Variants in ZC3H3 observed in about 807,000 individuals in gnomAD.
The protein encoded by ZC3H3 is zinc finger CCCH domain-containing protein 3.
ZC3H3 carries 36 observed loss-of-function variants against 77.3 expected under a neutral mutation model. The observed-to-expected ratio is 0.47, with a 90% CI of 0.36 to 0.61. The LOEUF (loss-of-function observed/expected upper bound fraction) is 0.61. ZC3H3 is among the 20% of genes least tolerant of loss of function. ZC3H3 has a pLI of 0.00. For missense variants in ZC3H3, 1,331 were observed against 1,312.2 expected (o/e 1.01, Z -0.22); for synonymous variants, 626 against 555.2 (o/e 1.13, Z -1.79).
At chr8:143,528,800 G>C (rs561718883) in intron 3 of ZC3H3, among the ~76,000 whole-genome samples, 4 of 152,302 alleles carry the variant, frequency 2.6e-5, no homozygotes, top group Admixed American at 2.6e-4. Flanking sequence ...CTGAGGGAGC[G>C]AGGCCCTCCC....
rs1433434178 is a variant in ZC3H3, at chr8:143,462,772, T to G, written c.2307+2945A>C. ...TGTGCAGGAGCTCTCAATGCAGAGGTGGGGATGGAGTCACTGTCACCCCTG... is the reference window on the plus strand; with the variant it reads ...TGTGCAGGAGCTCTCAATGCAGAGGGGGGGATGGAGTCACTGTCACCCCTG... On this transcript the variant is annotated intron_variant, in intron 9 of 11. Transcript: ENST00000262577. The surrounding 1 kb of genome is among the most constrained non-coding windows in gnomAD (Gnocchi z 4.7). Among the ~76,000 whole-genome samples the G allele has an allele frequency of 6.6e-6, 1 of 152,082 alleles. No homozygotes were observed. The highest frequency in any genetic ancestry group is 2.4e-5 in the African/African-American group (1 of 41,410).
chr8:143,536,506 C>T, intron 2 of ZC3H3, 53 bp from the exon 3 acceptor site: 1 of 1,438,588 alleles, frequency 7.0e-7, no homozygotes, highest in African/African-American at 1.4e-5. Context: ...GTTCTGCCCA[C>T]CCACCCTTCC....
In ZC3H3 at chr8:143,530,823, T is replaced by C. The variant is rs958360864; in HGVS notation, c.1561+5434A>G. Reference sequence around the variant, plus strand: ...ACCATTTTTCAGACTCCAAAAAGGTTTTCTTCTCTTCTGCCCAAATGCCCC... The same window carrying C: ...ACCATTTTTCAGACTCCAAAAAGGTCTTCTTCTCTTCTGCCCAAATGCCCC... On this transcript the variant is annotated intron_variant, in intron 3 of 11. Transcript: ENST00000262577. This position sits in a 1 kb window ranked among gnomAD's most constrained non-coding sequence, Gnocchi z 4.3. Among the ~76,000 whole-genome samples the C allele has an allele frequency of 6.6e-6, 1 of 152,048 alleles. No homozygotes were observed. The highest frequency in any genetic ancestry group is 6.6e-5 in the Admixed American group (1 of 15,260).
intron 4 of ZC3H3, among the ~76,000 whole-genome samples, chr8:143,506,480 G>A (rs183637490): frequency 2.4e-4 from 37 of 152,166 alleles, no homozygotes; most frequent in Non-Finnish European, 3.7e-4. Flanking sequence ...ATAGAAGAAC[G>A]GAAGAAAATT....
rs375966082 is a variant in ZC3H3 at position 143,506,833 on chromosome 8, C to T, written c.1715+913G>A. 3.3e-5 allele frequency among the ~76,000 whole-genome samples: 5 copies of T among 152,162 alleles called. No individual in the cohort carries two copies. In the East Asian group the frequency reaches 9.6e-4, roughly 29 times the overall value. On this transcript the variant is annotated intron_variant, in intron 4 of 11. Coordinates refer to ENST00000262577, the MANE Select transcript of ZC3H3 (RefSeq NM_015117.3). Reference sequence around the variant, plus strand: ...GGTGGGTGGATCCCCTGGGGTTAGCCTCAGGCCTGGAAACCTCTGGCTAGC... The same window carrying T: ...GGTGGGTGGATCCCCTGGGGTTAGCTTCAGGCCTGGAAACCTCTGGCTAGC...
At chr8:143,479,205 G>A (rs535981439) in intron 4 of ZC3H3, among the ~76,000 whole-genome samples, 18 of 152,304 alleles carry the variant, frequency 1.2e-4, no homozygotes, top group East Asian at 9.6e-4. Flanking sequence ...CCCTGCCCTC[G>A]CCCTGGCTGC....
At chr8:143,461,672 G>A (rs1197651009) in intron 9 of ZC3H3, among the ~76,000 whole-genome samples, 1 of 152,134 alleles carries the variant, frequency 6.6e-6, no homozygotes, top group Non-Finnish European at 1.5e-5. Flanking sequence ...CGGGTGCAGC[G>A]CTGAGGTGCT....
At chr8:143,525,546 CT>C (rs1822385425) in intron 3 of ZC3H3, among the ~76,000 whole-genome samples, 1 of 152,220 alleles carries the variant, frequency 6.6e-6, no homozygotes, top group African/African-American at 2.4e-5. Context: ...AGGAGCGTCC[CT>C]GGGGCCCATC....
At chr8:143,507,056 C>G (rs1173369452) in intron 4 of ZC3H3, among the ~76,000 whole-genome samples, 1 of 152,224 alleles carries the variant, frequency 6.6e-6, no homozygotes, top group Non-Finnish European at 1.5e-5. Flanking sequence ...ATTACCCTCT[C>G]CCAACCTGGA....
At chr8:143,484,212 G>A (rs567522104) in intron 4 of ZC3H3, among the ~76,000 whole-genome samples, 3 of 152,328 alleles carry the variant, frequency 2.0e-5, no homozygotes, top group East Asian at 3.9e-4. Flanking sequence ...TGTGACATCT[G>A]AGGACTTCCT....
chr8:143,443,853 A>G (rs1269775989), intron 9 of ZC3H3, among the ~76,000 whole-genome samples: 1 of 152,252 alleles, frequency 6.6e-6, no homozygotes, highest in East Asian at 1.9e-4. Context: ...GAATTGACAA[A>G]TTCTAGAAAA....
chr8:143,466,660 G>T (rs1378870419), intron 8 of ZC3H3, among the ~76,000 whole-genome samples: 1 of 152,124 alleles, frequency 6.6e-6, no homozygotes, highest in Non-Finnish European at 1.5e-5. Context: ...GCTCTTCCTG[G>T]GCTGCCTGGG....
intron 5 of ZC3H3, 111 bp from the exon 6 acceptor site, chr8:143,468,770 C>T (rs1563844198): frequency 2.2e-6 from 3 of 1,369,356 alleles, no homozygotes; most frequent in Non-Finnish European, 2.9e-6. Flanking sequence ...TCAGCTCAGG[C>T]ACAGCCTCCC....
intron 4 of ZC3H3, among the ~76,000 whole-genome samples, chr8:143,478,945 GC>G (rs1214453067): frequency 1.3e-5 from 2 of 152,226 alleles, no homozygotes; most frequent in Admixed American, 1.3e-4. Flanking sequence ...AGATGTGGCA[GC>G]CCCTGCTGAG....
intron 9 of ZC3H3, among the ~76,000 whole-genome samples, chr8:143,455,256 G>C (rs994793275): frequency 6.6e-6 from 1 of 152,188 alleles, no homozygotes; most frequent in South Asian, 2.1e-4. Flanking sequence ...GGAGGGTGCA[G>C]TGAGCCAAGA....
chr8:143,461,663 G>A (rs916717927), intron 9 of ZC3H3, among the ~76,000 whole-genome samples: 1 of 152,126 alleles, frequency 6.6e-6, no homozygotes, highest in Non-Finnish European at 1.5e-5. Context: ...TAATAAAAAC[G>A]GGTGCAGCGC....
rs1363159561 is a variant in ZC3H3, at chr8:143,465,732, G to A, written c.2292C>T (p.Cys764=). 2.5e-6 allele frequency: 4 copies of A among 1,613,850 alleles called. No homozygotes were observed. In the East Asian group the frequency reaches 8.9e-5, roughly 36 times the overall value. ...GACCACTCACCTTTGCACCCAGGGG[G>A]CAGTAGCCTTTGAGGAAGTCGCTGC... ...EVCSDFLKGY[C]PLGAKCKKKH... is the part of the protein sequence containing the mutation. Residue 764 remains cysteine, a synonymous_variant, in exon 9 of 12, where the codon TGC becomes TGT. Transcript: ENST00000262577.
At chr8:143,514,194 T>G (rs114633664) in intron 3 of ZC3H3, among the ~76,000 whole-genome samples, 1 of 152,098 alleles carries the variant, frequency 6.6e-6, no homozygotes, top group East Asian at 1.9e-4. Context: ...AGGTCCACCA[T>G]GTGCAGGGGG....
intron 4 of ZC3H3, chr8:143,484,667 C>T (rs978088311): frequency 5.2e-5 from 10 of 190,504 alleles, no homozygotes; most frequent in African/African-American, 2.1e-4. Context: ...TTGGCGGGCC[C>T]GCGACCCTCT....
Sources: gnomAD v4.1 joint callset for allele counts (sites outside exome capture counted in the v4.1 genomes callset) on GRCh38, gnomAD v4.1.1 for gene constraint, Gnocchi (gnomAD v3.1) non-coding constraint, MANE v1.5 for transcripts, NCBI Gene and HGNC (gene_info 2026-07-23, HGNC 2026-07-21) for gene names.